DACH2: variants seen among roughly 807,000 people sequenced by gnomAD.
DACH2 encodes the protein dachshund homolog 2.
In DACH2, 17 loss-of-function variants were observed where a neutral mutation model predicts 35.8. The observed-to-expected ratio is 0.48, with a 90% CI of 0.33 to 0.71. DACH2 has a LOEUF of 0.71. Among genes scored for constraint, DACH2 ranks in the 30% least tolerant of loss-of-function variants. The pLI is 0.02. For missense variants in DACH2, 469 were observed against 472.7 expected (o/e 0.99, Z 0.07); for synonymous variants, 195 against 177.3 (o/e 1.10, Z -0.79).
chrX:86,468,374 C>A (rs961271931), intron 2 of DACH2, among the ~76,000 whole-genome samples: 7 of 110,990 alleles, frequency 6.3e-5, no homozygotes, highest in Admixed American at 5.8e-4. Flanking sequence ...ATGTGAGTGG[C>A]TTAGAAAGCT....
chrX:86,227,337 TG>T (rs2032847781), intron 1 of DACH2, among the ~76,000 whole-genome samples: 1 of 112,009 alleles, frequency 8.9e-6, no homozygotes, highest in Admixed American at 9.5e-5. Flanking sequence ...AAAGAGTGTT[TG>T]TCCCTGTACC....
chrX:86,673,449 G>C (rs1161586982), intron 4 of DACH2, among the ~76,000 whole-genome samples: 1 of 110,838 alleles, frequency 9.0e-6, no homozygotes, highest in Non-Finnish European at 1.9e-5. Flanking sequence ...CTTTGTTTGG[G>C]CTTATTTCTT....
At chrX:86,442,973 T>C (rs967554664) in intron 2 of DACH2, among the ~76,000 whole-genome samples, 1 of 112,166 alleles carries the variant, frequency 8.9e-6, no homozygotes, top group Non-Finnish European at 1.9e-5. Context: ...TTTTGGTTAC[T>C]ATAACTTTGT....
intron 3 of DACH2, among the ~76,000 whole-genome samples, chrX:86,535,878 CAATT>C (rs995080684): frequency 1.8e-5 from 2 of 111,184 alleles, no homozygotes; most frequent in African/African-American, 6.5e-5. Flanking sequence ...GAAACAGAGA[CAATT>C]AACATGTCTC....
At chrX:86,551,990 G>T (rs1049251414) in intron 3 of DACH2, among the ~76,000 whole-genome samples, 1 of 111,332 alleles carries the variant, frequency 9.0e-6, no homozygotes, top group Non-Finnish European at 1.9e-5. Flanking sequence ...CTGTTTTGAT[G>T]CCCTATCTAG....
intron 2 of DACH2, among the ~76,000 whole-genome samples, chrX:86,475,592 T>C (rs1316540554): frequency 8.9e-6 from 1 of 112,110 alleles, no homozygotes; most frequent in Non-Finnish European, 1.9e-5. Flanking sequence ...GGTGGACTCT[T>C]TAGGTTTTTC....
At chrX:86,466,303 A>T (rs772220521) in intron 2 of DACH2, among the ~76,000 whole-genome samples, 1 of 111,291 alleles carries the variant, frequency 9.0e-6, no homozygotes, top group Non-Finnish European at 1.9e-5. Context: ...CCCTCCCACA[A>T]CATGCAGGAA....
chrX:86,594,060 T>C (rs1313328561), intron 3 of DACH2, among the ~76,000 whole-genome samples: 3 of 111,790 alleles, frequency 2.7e-5, no homozygotes, highest in Admixed American at 9.6e-5. Flanking sequence ...TCATTTCTTC[T>C]TGTGTGAATT....
At chrX:86,172,381 G>A (rs189256492) in intron 1 of DACH2, among the ~76,000 whole-genome samples, 2 of 111,881 alleles carry the variant, frequency 1.8e-5, no homozygotes, top group East Asian at 2.8e-4. Context: ...TAATGAAGCC[G>A]ATAATGCTTC....
intron 7 of DACH2, among the ~76,000 whole-genome samples, chrX:86,792,509 C>T (rs1384821384): frequency 1.8e-5 from 2 of 111,024 alleles, no homozygotes; most frequent in African/African-American, 3.3e-5. Flanking sequence ...ATTAACTAAC[C>T]TCTTCATCTC....
chrX:86,726,630 C>T (rs919497555), intron 6 of DACH2, among the ~76,000 whole-genome samples: 1 of 111,785 alleles, frequency 8.9e-6, no homozygotes, highest in African/African-American at 3.3e-5. Flanking sequence ...CAGGTTGAAG[C>T]TGCTCTGAGA....
intron 3 of DACH2, among the ~76,000 whole-genome samples, chrX:86,529,975 ACG>A (rs562540923): frequency 0.17 from 7,852 of 45,897 alleles, 409 homozygotes; most frequent in African/African-American, 0.27. Flanking sequence ...ACACACACAC[ACG>A]CACACACACA....
At chrX:86,659,637 G>T (rs1434325613) in intron 4 of DACH2, among the ~76,000 whole-genome samples, 2 of 111,151 alleles carry the variant, frequency 1.8e-5, no homozygotes, top group African/African-American at 6.5e-5. Flanking sequence ...ATGTTGTCTT[G>T]GTTCCTACAT....
intron 1 of DACH2, among the ~76,000 whole-genome samples, chrX:86,252,954 T>C (rs2033431126): frequency 9.0e-6 from 1 of 110,977 alleles, no homozygotes; most frequent in African/African-American, 3.3e-5. Flanking sequence ...GGCATCCAAA[T>C]CGGGAAAGAG....
chrX:86,486,126 C>A (rs1297898629), intron 2 of DACH2, among the ~76,000 whole-genome samples: 1 of 111,003 alleles, frequency 9.0e-6, no homozygotes, highest in African/African-American at 3.3e-5. Flanking sequence ...TTTTACCTGG[C>A]AGGACTGTTT....
At chrX:86,308,375 T>C (rs1282287552) in intron 1 of DACH2, among the ~76,000 whole-genome samples, 1 of 112,302 alleles carries the variant, frequency 8.9e-6, no homozygotes, top group Non-Finnish European at 1.9e-5. Context: ...ATAGCTACCA[T>C]CATGGACAAA....
At chrX:86,535,266 G>A (rs764872315) in intron 3 of DACH2, among the ~76,000 whole-genome samples, 4 of 111,552 alleles carry the variant, frequency 3.6e-5, no homozygotes, top group Admixed American at 9.6e-5. Context: ...TATGATCCTT[G>A]CCTTCAAAGA....
At chrX:86,828,397 T>C (rs1185054008) in intron 11 of DACH2, 2 of 111,499 alleles carry the variant, frequency 1.8e-5, no homozygotes, top group East Asian at 5.6e-4. Flanking sequence ...CTTTGAACTG[T>C]TGATGGTGGA....
chrX:86,355,438 C>T (rs943730026), intron 1 of DACH2, among the ~76,000 whole-genome samples: 8 of 112,170 alleles, frequency 7.1e-5, no homozygotes, highest in African/African-American at 1.9e-4. Flanking sequence ...ATCTCCAAAC[C>T]GCTTTCCACA....
Sources: allele counts gnomAD v4.1 joint callset (sites outside exome capture counted in the v4.1 genomes callset), GRCh38; gene constraint gnomAD v4.1.1; transcripts MANE v1.5; gene names NCBI Gene and HGNC (gene_info 2026-07-23, HGNC 2026-07-21).